Variants in EGFR observed in about 807,000 individuals in gnomAD.
EGFR encodes the protein avian erythroblastic leukemia viral (v-erb-b) oncogene homolog.
Under a neutral mutation model 143.0 loss-of-function variants are expected in EGFR, and 58 were observed. The observed-to-expected ratio is 0.41, with a 90% confidence interval of 0.33 to 0.50. EGFR has a LOEUF of 0.50. EGFR is among the 20% of genes least tolerant of loss of function. The probability of loss-of-function intolerance (pLI) is 0.39; values close to 1 mark genes in which losing one functional copy is unlikely to be tolerated. For synonymous variants in EGFR, 613 were observed against 594.4 expected, an observed-to-expected ratio of 1.03 and a Z score of -0.45; for missense variants, 1,307 against 1,579.0, an observed-to-expected ratio of 0.83 and a Z score of 2.92.
chr7:55,063,434 G>T (rs1789310515), intron 1 of EGFR, among the ~76,000 whole-genome samples: 1 of 152,106 alleles, frequency 6.6e-6, no homozygotes, highest in African/African-American at 2.4e-5. Flanking sequence ...ATTATGGAGG[G>T]GTTAGTGTGT....
At chr7:55,125,602 T>C (rs1032925588) in intron 1 of EGFR, among the ~76,000 whole-genome samples, 1 of 152,230 alleles carries the variant, frequency 6.6e-6, no homozygotes, top group Admixed American at 6.5e-5. Flanking sequence ...TTAAACTGTC[T>C]GTTTTGAGAA....
intron 1 of EGFR, among the ~76,000 whole-genome samples, chr7:55,112,203 T>G (rs1422001066): frequency 6.6e-6 from 1 of 152,220 alleles, no homozygotes; most frequent in Non-Finnish European, 1.5e-5. Context: ...CCTTCGGGTC[T>G]CATTGTGACT....
chr7:55,197,194 T>C (rs1787655687), intron 22 of EGFR, among the ~76,000 whole-genome samples: 1 of 152,174 alleles, frequency 6.6e-6, no homozygotes, highest in Non-Finnish European at 1.5e-5. Flanking sequence ...TTAAGCAGTG[T>C]TTTGTGGTTC....
intron 1 of EGFR, among the ~76,000 whole-genome samples, chr7:55,131,085 G>T (rs1211486498): frequency 6.6e-6 from 1 of 152,130 alleles, no homozygotes; most frequent in Non-Finnish European, 1.5e-5. Context: ...TCCCTCCCAG[G>T]AGTCACAGGT....
chr7:55,100,000 T>C (rs1364278296), intron 1 of EGFR, among the ~76,000 whole-genome samples: 2 of 152,218 alleles, frequency 1.3e-5, no homozygotes, highest in Non-Finnish European at 2.9e-5. Context: ...AATCCTTTTT[T>C]AAATTTTTGT....
chr7:55,073,687 T>G (rs1035471303), intron 1 of EGFR, among the ~76,000 whole-genome samples: 6 of 152,216 alleles, frequency 3.9e-5, no homozygotes, highest in African/African-American at 1.2e-4. Context: ...GGAACAGAAA[T>G]TAAAGTTCTT....
intron 1 of EGFR, among the ~76,000 whole-genome samples, chr7:55,074,906 G>T (rs1006564561): frequency 7.2e-5 from 11 of 152,118 alleles, no homozygotes; most frequent in African/African-American, 2.7e-4. Flanking sequence ...AGATTGCATG[G>T]TATTTTAGAA....
At chr7:55,096,183 G>T (rs1035910445) in intron 1 of EGFR, among the ~76,000 whole-genome samples, 2 of 152,182 alleles carry the variant, frequency 1.3e-5, no homozygotes, top group South Asian at 4.1e-4. Context: ...CGTATCCCAG[G>T]CCCTCTGGCT....
chr7:55,176,322 GC>G (rs1786587411), intron 19 of EGFR, among the ~76,000 whole-genome samples: 1 of 152,168 alleles, frequency 6.6e-6, no homozygotes, highest in Non-Finnish European at 1.5e-5. Flanking sequence ...ACTGAAAAGT[GC>G]CCCCAGGACC....
chr7:55,163,665 G>A (rs1785815002), intron 13 of EGFR, 68 bp from the exon 14 acceptor site: 1 of 1,346,910 alleles, frequency 7.4e-7, no homozygotes, highest in Non-Finnish European at 1.1e-6. Flanking sequence ...GAATTTTGAA[G>A]AGGTGATTTG....
chr7:55,201,928 G>T, intron 26 of EGFR, 146 bp downstream of exon 26: 1 of 932,744 alleles, frequency 1.1e-6, no homozygotes, highest in Admixed American at 1.9e-5. Flanking sequence ...CGGCTGTCAC[G>T]CCTCACAGTG....
At chr7:55,145,304 G>A (rs1794705905) in intron 3 of EGFR, among the ~76,000 whole-genome samples, 1 of 152,192 alleles carries the variant, frequency 6.6e-6, no homozygotes, top group South Asian at 2.1e-4. Flanking sequence ...CCTCTCCTGA[G>A]TTCCATCCAC....
chr7:55,129,832 T>C (rs1793733316), intron 1 of EGFR, among the ~76,000 whole-genome samples: 1 of 152,198 alleles, frequency 6.6e-6, no homozygotes, highest in African/African-American at 2.4e-5. Flanking sequence ...GTCTGTCTTC[T>C]AGAAAGTATA....
chr7:55,088,875 T>C (rs1205587498), intron 1 of EGFR, among the ~76,000 whole-genome samples: 1 of 152,234 alleles, frequency 6.6e-6, no homozygotes, highest in African/African-American at 2.4e-5. Context: ...TCATTTTTTG[T>C]CTCTACTTAC....
At chr7:55,095,583 T>C (rs928412660) in intron 1 of EGFR, among the ~76,000 whole-genome samples, 3 of 152,096 alleles carry the variant, frequency 2.0e-5, no homozygotes. Context: ...AGAGAATTAA[T>C]TATAGACTCA....
intron 1 of EGFR, among the ~76,000 whole-genome samples, chr7:55,094,371 G>A (rs1218818078): frequency 7.2e-5 from 11 of 152,314 alleles, no homozygotes; most frequent in African/African-American, 1.7e-4. Context: ...GGCAGGGGGG[G>A]CCTCACTGTG....
rs150235715 is a variant in EGFR at position 55,070,304 on chromosome 7, A to C, written c.88+50939A>C. Among the ~76,000 whole-genome samples, 705 of 152,318 alleles carry C rather than the reference A, an allele frequency of 4.6e-3. 9 individuals are homozygous for C. The highest frequency in any genetic ancestry group is 0.014 in the African/African-American group (581 of 41,564). ...TCCTGGTTAGACAGGATAAGTTCTG[A>C]GTCCCCTGGTATCATCAGCTTACTT... On this transcript the variant is annotated intron_variant, in intron 1 of 27. Coordinates refer to ENST00000275493, the MANE Select transcript of EGFR (RefSeq NM_005228.5).
At chr7:55,189,641 G>T (rs1291482377) in intron 20 of EGFR, among the ~76,000 whole-genome samples, 2 of 152,184 alleles carry the variant, frequency 1.3e-5, no homozygotes, top group Non-Finnish European at 1.5e-5. Flanking sequence ...AGAGGTTCCT[G>T]GTCCTCTGCA....
At chr7:55,073,783 G>A (rs4140770) in intron 1 of EGFR, among the ~76,000 whole-genome samples, 97,447 of 152,074 alleles carry the variant, frequency 0.64, 32,067 homozygotes, top group East Asian at 0.97. Flanking sequence ...CCTTATCAGC[G>A]TTAAGGAAAA....
Sources: gnomAD v4.1 joint callset for allele counts (sites outside exome capture counted in the v4.1 genomes callset) on GRCh38, gnomAD v4.1.1 for gene constraint, MANE v1.5 for transcripts, NCBI Gene and HGNC (gene_info 2026-07-23, HGNC 2026-07-21) for gene names.